Variants in FOXP2 observed in about 807,000 individuals in gnomAD.
FOXP2 encodes the protein forkhead box protein P2.
Under a neutral mutation model 115.8 loss-of-function variants are expected in FOXP2, and 12 were observed. The observed-to-expected ratio is 0.10, with a 90% CI of 0.07 to 0.17. The LOEUF (loss-of-function observed/expected upper bound fraction) is 0.17. Among genes scored for constraint, FOXP2 ranks in the 10% least tolerant of loss-of-function variants. The pLI is 1.00. For missense variants in FOXP2, 629 were observed against 843.5 expected (o/e 0.75, Z 3.15); for synonymous variants, 328 against 297.7 (o/e 1.10, Z -1.05).
At chr7:114,418,681 A>AT (rs893277221) in intron 1 of FOXP2, among the ~76,000 whole-genome samples, 5 of 151,908 alleles carry the variant, frequency 3.3e-5, no homozygotes, top group African/African-American at 1.2e-4. Flanking sequence ...GGGTTCAAAA[A>AT]AAAAAGCTAT....
At chr7:114,329,877 A>G (rs989308706) in intron 2 of FOXP2, among the ~76,000 whole-genome samples, 1 of 151,926 alleles carries the variant, frequency 6.6e-6, no homozygotes, top group African/African-American at 2.4e-5. Context: ...GGGTTTCACC[A>G]TATTGGCCAG....
At chr7:114,490,933 C>G (rs1277913508) in intron 2 of FOXP2, among the ~76,000 whole-genome samples, 1 of 152,138 alleles carries the variant, frequency 6.6e-6, no homozygotes. Flanking sequence ...GGTTCCAAGT[C>G]TTTGCTATTG....
intron 1 of FOXP2, among the ~76,000 whole-genome samples, chr7:114,175,100 A>G (rs541563442): frequency 1.3e-5 from 2 of 152,176 alleles, no homozygotes; most frequent in East Asian, 1.9e-4. Context: ...ATTTATTACA[A>G]AAGCCTGATT....
At chr7:114,155,520 G>T (rs1488498078) in intron 1 of FOXP2, among the ~76,000 whole-genome samples, 1 of 152,150 alleles carries the variant, frequency 6.6e-6, no homozygotes, top group Admixed American at 6.6e-5. Context: ...GTGAGGAAAA[G>T]CTACATTCTA....
chr7:114,473,570 A>G (rs1796136269), intron 2 of FOXP2, among the ~76,000 whole-genome samples: 1 of 152,226 alleles, frequency 6.6e-6, no homozygotes, highest in Non-Finnish European at 1.5e-5. Context: ...CTTCTTATGA[A>G]GAAATGCCTC....
chr7:114,591,510 C>T (rs1402219909), intron 3 of FOXP2, among the ~76,000 whole-genome samples: 4 of 151,898 alleles, frequency 2.6e-5, no homozygotes, highest in African/African-American at 4.8e-5. Context: ...AGTTATATGT[C>T]AGATGGAAGC....
At chr7:114,285,464 A>C (rs754247764) in intron 1 of FOXP2, 4 of 152,156 alleles carry the variant, frequency 2.6e-5, no homozygotes, top group Non-Finnish European at 5.9e-5. Context: ...AAGGTATGTA[A>C]ATAAGAACAT....
At chr7:114,631,794 T>A in intron 6 of FOXP2, 89 bp downstream of exon 6, 1 of 1,390,646 alleles carries the variant, frequency 7.2e-7, no homozygotes, top group Non-Finnish European at 1.0e-6. Context: ...TGAGAAATTT[T>A]GTTTTTATGA....
intron 2 of FOXP2, among the ~76,000 whole-genome samples, chr7:114,313,092 G>A (rs1397332614): frequency 6.6e-6 from 1 of 152,148 alleles, no homozygotes; most frequent in South Asian, 2.1e-4. Flanking sequence ...CAATCACATA[G>A]AGTCCAGAAA....
intron 3 of FOXP2, among the ~76,000 whole-genome samples, chr7:114,575,699 A>G (rs1801539068): frequency 6.6e-6 from 1 of 151,934 alleles, no homozygotes; most frequent in Admixed American, 6.6e-5. Flanking sequence ...GTATCCAGCT[A>G]AAGCACATGA....
chr7:114,112,151 C>T (rs1584485271), intron 1 of FOXP2, among the ~76,000 whole-genome samples: 1 of 152,010 alleles, frequency 6.6e-6, no homozygotes, highest in African/African-American at 2.4e-5. Context: ...GATTTTTGCC[C>T]ACTCCAATAA....
chr7:114,155,480 T>C (rs1051816332), intron 1 of FOXP2, among the ~76,000 whole-genome samples: 1 of 152,138 alleles, frequency 6.6e-6, no homozygotes, highest in African/African-American at 2.4e-5. Context: ...CTTTGACATA[T>C]TTTGAAATGG....
Position 114,691,994 on chromosome 7 carries a change from C to T in FOXP2, c.*2068C>T, listed in dbSNP as rs1053141658. ...AACAATTATGGCAGATTGCATGAAA[C>T]GTGAGAACGTCACAGTAACTGCTAC... On this transcript the variant is annotated 3_prime_UTR_variant, in exon 17 of 17. Coordinates refer to ENST00000350908, the MANE Select transcript of FOXP2 (RefSeq NM_014491.4). 9.0e-6 allele frequency: 4 copies of T among 442,240 alleles called. No individual in the cohort carries two copies. Among genetic ancestry groups the T allele is most frequent in the East Asian group, 7.0e-5 (1 of 14,206 alleles). The allele number at this position is 442,240 out of a possible 1,614,324, so 27.4% of individuals were successfully genotyped here.
chr7:114,571,920 A>G (rs894790386), intron 3 of FOXP2, among the ~76,000 whole-genome samples: 3 of 151,742 alleles, frequency 2.0e-5, no homozygotes, highest in African/African-American at 7.2e-5. Flanking sequence ...TTTAGGCTCA[A>G]TGGGCTAGAG....
At chr7:114,630,152 G>T in intron 5 of FOXP2, 147 bp downstream of exon 5, 1 of 1,397,394 alleles carries the variant, frequency 7.2e-7, no homozygotes, top group South Asian at 1.2e-5. Context: ...TAGTAACAGT[G>T]ATAGGCTCTC....
At chr7:114,454,895 G>A (rs1378610487) in intron 2 of FOXP2, among the ~76,000 whole-genome samples, 2 of 128,970 alleles carry the variant, frequency 1.6e-5, no homozygotes, top group East Asian at 4.7e-4. Context: ...GGGAGGGATA[G>A]CATTGGGAGA....
At chr7:114,580,853 C>T (rs1477696604) in intron 3 of FOXP2, among the ~76,000 whole-genome samples, 1 of 151,958 alleles carries the variant, frequency 6.6e-6, no homozygotes, top group East Asian at 1.9e-4. Context: ...GCAGTTAGCA[C>T]TGAGTTGGAG....
chr7:114,592,934 G>A (rs1463390145), intron 3 of FOXP2, among the ~76,000 whole-genome samples: 3 of 151,956 alleles, frequency 2.0e-5, no homozygotes, highest in South Asian at 2.1e-4. Flanking sequence ...TTTGAGAGTC[G>A]TCTGAACTAT....
intron 1 of FOXP2, among the ~76,000 whole-genome samples, chr7:114,133,283 G>A (rs1356778981): frequency 6.6e-6 from 1 of 152,188 alleles, no homozygotes; most frequent in Non-Finnish European, 1.5e-5. Flanking sequence ...CAGGTTTATT[G>A]TGAGAAACAT....
Sources: allele counts gnomAD v4.1 joint callset (sites outside exome capture counted in the v4.1 genomes callset), GRCh38; gene constraint gnomAD v4.1.1; transcripts MANE v1.5; gene names NCBI Gene and HGNC (gene_info 2026-07-23, HGNC 2026-07-21).